Variants in PIK3CB observed in about 807,000 individuals in gnomAD.
The protein encoded by PIK3CB is phosphatidylinositol-4,5-bisphosphate 3-kinase catalytic subunit beta.
PIK3CB carries 39 observed loss-of-function variants against 136.8 expected under a neutral mutation model. The observed-to-expected ratio is 0.29, with a 90% CI of 0.22 to 0.37. The LOEUF (loss-of-function observed/expected upper bound fraction) is 0.37. Among genes scored for constraint, PIK3CB ranks in the 10% least tolerant of loss-of-function variants. PIK3CB has a pLI of 1.00. For missense variants in PIK3CB, 868 were observed against 1,275.4 expected (o/e 0.68, Z 4.87); for synonymous variants, 428 against 436.6 (o/e 0.98, Z 0.25).
intron 8 of PIK3CB, among the ~76,000 whole-genome samples, chr3:138,722,248 AC>A (rs1576357392): frequency 6.7e-6 from 1 of 150,058 alleles, no homozygotes; most frequent in East Asian, 1.9e-4. Flanking sequence ...ACACACACAC[AC>A]ACACACACGT....
intron 12 of PIK3CB, among the ~76,000 whole-genome samples, chr3:138,700,111 A>AGTTTGTG: frequency 1.3e-5 from 2 of 152,150 alleles, no homozygotes; most frequent in Admixed American, 6.6e-5. Flanking sequence ...AGTTCTAGCT[A>AGTTTGTG]CTCAGGAGGC....
intron 2 of PIK3CB, among the ~76,000 whole-genome samples, chr3:138,775,448 T>A (rs2045846961): frequency 6.6e-6 from 1 of 152,140 alleles, no homozygotes; most frequent in Admixed American, 6.6e-5. Flanking sequence ...AGCGGAGGCA[T>A]GTCTGTTCTC....
At position 138,712,275 on chromosome 3, in the gene PIK3CB, C is replaced by A; in HGVS notation, c.1332G>T (p.Met444Ile). ...VHYPVAWVNT[M>I]VFDFKGQLRT... ...TCAATTGTCCTTTAAAGTCAAAAAC[C>A]ATCGTATTTACCCACGCTACAGGAT... The change falls in exon 10 of 24, where the codon ATG becomes ATT. Residue 444 changes from methionine to isoleucine, a missense_variant. Coordinates refer to ENST00000674063, the MANE Select transcript of PIK3CB (RefSeq NM_006219.3). The A allele has an allele frequency of 6.3e-7, 1 of 1,578,526 alleles. No homozygotes were observed. Among genetic ancestry groups the A allele is most frequent in the Non-Finnish European group, 8.6e-7 (1 of 1,157,284 alleles).
chr3:138,665,172 C>A lies in PIK3CB; in HGVS notation c.2536G>T (p.Asp846Tyr). 1 of 1,608,456 alleles carries A rather than the reference C, an allele frequency of 6.2e-7. No individual in the cohort carries two copies. Among genetic ancestry groups the A allele is most frequent in the South Asian group, 1.1e-5 (1 of 89,580 alleles). ...ACAACTTCAATGAGGCCAGAGCGAT[C>A]TCCTGTTGCTAAACAGCCATAAGGC... ...MLPYGCLATG[D>Y]RSGLIEVVST... The change falls in exon 20 of 24, where the codon GAT becomes TAT. Residue 846 changes from aspartate (D) to tyrosine (Y), a missense_variant. Coordinates refer to ENST00000674063, the MANE Select transcript of PIK3CB (RefSeq NM_006219.3).
intron 8 of PIK3CB, among the ~76,000 whole-genome samples, chr3:138,718,219 T>C (rs2044652095): frequency 6.6e-6 from 1 of 152,226 alleles, no homozygotes; most frequent in Non-Finnish European, 1.5e-5. Flanking sequence ...ACAATAGCCA[T>C]TGCGACTGGT....
intron 8 of PIK3CB, among the ~76,000 whole-genome samples, chr3:138,724,259 T>C (rs1386014057): frequency 6.6e-6 from 1 of 152,170 alleles, no homozygotes; most frequent in Non-Finnish European, 1.5e-5. Flanking sequence ...CATTTACCCA[T>C]TTATTATAAA....
intron 5 of PIK3CB, among the ~76,000 whole-genome samples, chr3:138,738,497 A>C (rs898486225): frequency 6.6e-6 from 1 of 152,140 alleles, no homozygotes; most frequent in Admixed American, 6.6e-5. Flanking sequence ...TTTTGTATAT[A>C]TATTTTTAAA....
chr3:138,712,879 C>A (rs2044533965), intron 9 of PIK3CB, among the ~76,000 whole-genome samples: 1 of 151,970 alleles, frequency 6.6e-6, no homozygotes, highest in Non-Finnish European at 1.5e-5. Flanking sequence ...AATGAGAAAT[C>A]TTTAATAATC....
intron 2 of PIK3CB, among the ~76,000 whole-genome samples, chr3:138,776,023 C>T (rs1051769994): frequency 6.6e-6 from 1 of 152,144 alleles, no homozygotes. Context: ...CATGGTGAAA[C>T]CCAGTCTCTA....
In PIK3CB at chr3:138,800,106, C is replaced by T. The variant is rs1364281643; in HGVS notation, c.-121-3539G>A. 3.9e-5 allele frequency among the ~76,000 whole-genome samples: 6 copies of T among 152,246 alleles called. No homozygotes were observed. The East Asian group carries it at 1.2e-3, about 29-fold the overall frequency. On this transcript the variant is annotated intron_variant, in intron 1 of 23. Coordinates refer to ENST00000674063, the MANE Select transcript of PIK3CB (RefSeq NM_006219.3). ...GTTCTTTCAGCTTGCAATGTGCTGC[C>T]TCCAGGTCTTCTGCCACTTCATAAC...
intron 2 of PIK3CB, among the ~76,000 whole-genome samples, chr3:138,764,708 C>G (rs1486744517): frequency 1.3e-5 from 2 of 152,196 alleles, no homozygotes; most frequent in Non-Finnish European, 2.9e-5. Flanking sequence ...ATCACAGGTA[C>G]TTGCCAGCAT....
chr3:138,767,205 C>A (rs907553412), intron 2 of PIK3CB, among the ~76,000 whole-genome samples: 18 of 152,084 alleles, frequency 1.2e-4, no homozygotes, highest in African/African-American at 4.3e-4. Context: ...AAACAAAAAA[C>A]AAGCTTTTCA....
intron 4 of PIK3CB, among the ~76,000 whole-genome samples, chr3:138,751,173 T>C (rs1406070749): frequency 1.3e-5 from 2 of 152,046 alleles, no homozygotes; most frequent in East Asian, 3.8e-4. Context: ...ATACAGAAAT[T>C]TTAGGCCGGG....
At chr3:138,695,039 C>T in intron 13 of PIK3CB, 132 bp from the exon 14 acceptor site, 1 of 730,284 alleles carries the variant, frequency 1.4e-6, no homozygotes, top group Non-Finnish European at 2.1e-6. Context: ...CCTCAAAAAT[C>T]CATTCCTGTT....
In PIK3CB at chr3:138,693,252, C is replaced by A. The variant is rs552927726; in HGVS notation, c.1892+1534G>T. ...GGGACCACAGGTGCGCACCTCCACG[C>A]CCAGCTAATGTCTCTGTATTTTTGG... On this transcript the variant is annotated intron_variant, in intron 14 of 23. Coordinates refer to ENST00000674063, the MANE Select transcript of PIK3CB (RefSeq NM_006219.3). 3.3e-5 allele frequency among the ~76,000 whole-genome samples: 5 copies of A among 152,106 alleles called. No individual in the cohort carries two copies. The South Asian group carries it at 1.0e-3, about 32-fold the overall frequency.
intron 2 of PIK3CB, among the ~76,000 whole-genome samples, chr3:138,771,485 T>G (rs955310677): frequency 1.3e-5 from 2 of 152,312 alleles, no homozygotes; most frequent in East Asian, 3.9e-4. Flanking sequence ...CCCAAAGTGC[T>G]GGGATTACAG....
intron 2 of PIK3CB, among the ~76,000 whole-genome samples, chr3:138,785,336 G>C (rs1185084251): frequency 6.6e-6 from 1 of 152,196 alleles, no homozygotes; most frequent in African/African-American, 2.4e-5. Context: ...ACAGCTCATT[G>C]AGAACGGGCC....
intron 19 of PIK3CB, among the ~76,000 whole-genome samples, chr3:138,676,048 A>G (rs1425880202): frequency 6.6e-6 from 1 of 152,222 alleles, no homozygotes; most frequent in Non-Finnish European, 1.5e-5. Flanking sequence ...CCAGAAAAAC[A>G]TATTTGCAAA....
At chr3:138,704,736 A>G (rs982406394) in intron 11 of PIK3CB, among the ~76,000 whole-genome samples, 1 of 152,168 alleles carries the variant, frequency 6.6e-6, no homozygotes, top group African/African-American at 2.4e-5. Context: ...TCTGGAGATA[A>G]AACAAGTACC....
Sources: allele counts gnomAD v4.1 joint callset (sites outside exome capture counted in the v4.1 genomes callset), GRCh38; gene constraint gnomAD v4.1.1; transcripts MANE v1.5; gene names NCBI Gene and HGNC (gene_info 2026-07-23, HGNC 2026-07-21).